ZNF536: variants seen among roughly 807,000 people sequenced by gnomAD.
The protein encoded by ZNF536 is zinc finger protein 536.
A neutral mutation model predicts 84.5 loss-of-function variants in ZNF536; 13 were observed. The ratio of observed to expected loss-of-function variants is 0.15; its 90% CI spans 0.10 to 0.24. The LOEUF is 0.24. Among genes scored for constraint, ZNF536 ranks in the 10% least tolerant of loss-of-function variants. The probability of loss-of-function intolerance (pLI) is 1.00; values close to 1 mark genes in which losing one functional copy is unlikely to be tolerated. For missense variants in ZNF536, 1,536 were observed against 1,747.5 expected, an observed-to-expected ratio of 0.88 and a Z score of 2.16; for synonymous variants, 811 against 742.5, an observed-to-expected ratio of 1.09 and a Z score of -1.50.
Position 30,385,330 on chromosome 19 carries a change from C to A in ZNF536, c.-3+12774C>A, listed in dbSNP as rs1052169042. ...TCAGTGTGGGTTGTGGTGGCTGAAG[C>A]GGGACCAGGGGCCACCTGCCTGGGG... On this transcript the variant is annotated intron_variant, in intron 1 of 4. Coordinates refer to ENST00000355537, the MANE Select transcript of ZNF536 (RefSeq NM_014717.3). Among the ~76,000 whole-genome samples, 3 of 152,084 alleles carry A rather than the reference C, an allele frequency of 2.0e-5. No individual in the cohort carries two copies. The South Asian group carries it at 6.2e-4, about 32-fold the overall frequency.
chr19:30,407,351 A>G (rs1447653238), intron 1 of ZNF536, among the ~76,000 whole-genome samples: 2 of 152,190 alleles, frequency 1.3e-5, no homozygotes, highest in Admixed American at 6.5e-5. Context: ...CTTCTCTCAC[A>G]CTACAACTAT....
intron 2 of ZNF536, among the ~76,000 whole-genome samples, chr19:30,468,098 G>A (rs565494737): frequency 6.6e-5 from 10 of 152,356 alleles, no homozygotes; most frequent in Admixed American, 3.9e-4. Flanking sequence ...GATACGCTGC[G>A]TGGTTTCTGT....
chr19:30,659,201 T>C lies in ZNF536; in HGVS notation c.170-51556T>C, dbSNP rs538861706. 3.3e-5 allele frequency among the ~76,000 whole-genome samples: 5 copies of C among 152,332 alleles called. No homozygotes were observed. The South Asian group carries it at 1.0e-3, about 32-fold the overall frequency. ...TTATTTGGCTCACAGTTCTGCAGAC[T>C]GTACAGGAAGCATGGCTGGGGAGGC... On this transcript the variant is annotated intron_variant, in intron 1 of 1. Coordinates refer to the ZNF536 transcript ENST00000592773.
chr19:30,614,887 C>T (rs899780045), intron 1 of ZNF536, among the ~76,000 whole-genome samples: 1 of 145,520 alleles, frequency 6.9e-6, no homozygotes, highest in African/African-American at 2.5e-5. Context: ...CTATGACGTG[C>T]TTGCTCCTTG....
intron 1 of ZNF536, among the ~76,000 whole-genome samples, chr19:30,432,361 A>T (rs73546107): frequency 0.027 from 4,127 of 152,182 alleles, 207 homozygotes; most frequent in African/African-American, 0.095. Context: ...AGCTGCAGAC[A>T]GGAGGCTGGT....
chr19:30,531,750 C>T (rs555052166), intron 2 of ZNF536, among the ~76,000 whole-genome samples: 90 of 152,098 alleles, frequency 5.9e-4, no homozygotes, highest in Non-Finnish European at 1.9e-4. Context: ...TCAGCCTCCC[C>T]GGTAGCTGGG....
intron 2 of ZNF536, among the ~76,000 whole-genome samples, chr19:30,290,864 G>C (rs1246679239): frequency 2.0e-5 from 3 of 152,084 alleles, no homozygotes; most frequent in Admixed American, 6.6e-5. Flanking sequence ...AACAGGCCCT[G>C]GTGTGTGATG....
intron 3 of ZNF536, among the ~76,000 whole-genome samples, chr19:30,540,383 C>T (rs906489281): frequency 1.3e-5 from 2 of 152,186 alleles, no homozygotes; most frequent in African/African-American, 2.4e-5. Context: ...CTTGTGACTA[C>T]AAAGCCTGAC....
intron 1 of ZNF536, among the ~76,000 whole-genome samples, chr19:30,680,346 C>T (rs2050917307): frequency 6.6e-6 from 1 of 150,658 alleles, no homozygotes; most frequent in Non-Finnish European, 1.5e-5. Flanking sequence ...TGGTGTGCTG[C>T]ACCCATTAAC....
chr19:30,378,962 T>A (rs1025162317), intron 1 of ZNF536, among the ~76,000 whole-genome samples: 16 of 152,182 alleles, frequency 1.1e-4, no homozygotes, highest in Non-Finnish European at 2.2e-4. Flanking sequence ...GGGTCTGGAT[T>A]TCCCAGAGTC....
intron 2 of ZNF536, chr19:30,296,318 G>A (rs527717457): frequency 6.6e-6 from 1 of 152,336 alleles, no homozygotes; most frequent in Non-Finnish European, 1.5e-5. Context: ...ACAGTGCCCT[G>A]TCAGCCCTGC....
intron 1 of ZNF536, among the ~76,000 whole-genome samples, chr19:30,280,356 C>T (rs2045398132): frequency 6.6e-6 from 1 of 152,096 alleles, no homozygotes; most frequent in Non-Finnish European, 1.5e-5. Flanking sequence ...CTTCCATTCC[C>T]ATCCTCCCGT....
At chr19:30,332,496 C>T (rs1360494180) in intron 2 of ZNF536, among the ~76,000 whole-genome samples, 1 of 152,192 alleles carries the variant, frequency 6.6e-6, no homozygotes, top group Non-Finnish European at 1.5e-5. Context: ...GCCCTTCCCT[C>T]CATCCTTTGC....
intron 1 of ZNF536, chr19:30,665,535 T>A (rs1327286568): frequency 1.3e-5 from 2 of 152,054 alleles, no homozygotes; most frequent in African/African-American, 2.4e-5. Context: ...CTGCCTGGGA[T>A]TGAAGTTTCA....
At chr19:30,299,480 G>A (rs1271682570) in intron 2 of ZNF536, among the ~76,000 whole-genome samples, 1 of 152,146 alleles carries the variant, frequency 6.6e-6, no homozygotes, top group Admixed American at 6.5e-5. Flanking sequence ...TGCCTGTGAG[G>A]GTAGGTGGTG....
At chr19:30,372,697 A>T (rs751365476) in intron 1 of ZNF536, 141 bp downstream of exon 1, 1 of 152,278 alleles carries the variant, frequency 6.6e-6, no homozygotes, top group East Asian at 1.9e-4. Flanking sequence ...TTGTTCACGA[A>T]GTACACACCC....
intron 2 of ZNF536, among the ~76,000 whole-genome samples, chr19:30,492,030 C>T (rs758804647): frequency 2.7e-5 from 4 of 149,560 alleles, no homozygotes; most frequent in Non-Finnish European, 5.9e-5. Context: ...CTTCCTTTGC[C>T]TGGCTCACTA....
chr19:30,257,395 A>G (rs1440425862), intron 1 of ZNF536, among the ~76,000 whole-genome samples: 3 of 152,250 alleles, frequency 2.0e-5, no homozygotes, highest in African/African-American at 7.2e-5. Flanking sequence ...GTTAAAAGAC[A>G]GTAAAAGGTC....
At chr19:30,381,703 C>T (rs1462955688) in intron 1 of ZNF536, among the ~76,000 whole-genome samples, 4 of 152,134 alleles carry the variant, frequency 2.6e-5, no homozygotes, top group African/African-American at 9.7e-5. Flanking sequence ...CATAGGAAGC[C>T]TCAAAGGGTA....
Sources: allele counts gnomAD v4.1 joint callset (sites outside exome capture counted in the v4.1 genomes callset), GRCh38; gene constraint gnomAD v4.1.1; transcripts MANE v1.5; gene names NCBI Gene and HGNC (gene_info 2026-07-23, HGNC 2026-07-21).